KAZN: variants seen among roughly 807,000 people sequenced by gnomAD.
The protein encoded by KAZN is kazrin, periplakin interacting protein, also known as kazrin.
In KAZN, 40 loss-of-function variants were observed where a neutral mutation model predicts 87.4. The observed-to-expected ratio is 0.46, with a 90% CI of 0.36 to 0.60. KAZN has a LOEUF of 0.60. KAZN is among the 20% of genes least tolerant of loss of function. The pLI is 0.00. For missense variants in KAZN, 898 were observed against 1,073.9 expected (o/e 0.84, Z 2.29); for synonymous variants, 466 against 458.3 (o/e 1.02, Z -0.22).
rs138650572 is a variant in KAZN, at chr1:14,570,014, G to A, written c.250-28969G>A. Among the ~76,000 whole-genome samples, 863 of 152,254 alleles carry A rather than the reference G, an allele frequency of 5.7e-3. 14 individuals carry two copies. The highest frequency in any genetic ancestry group is 0.02 in the African/African-American group (830 of 41,560). The stretch of plus-strand genomic sequence containing the variant: ...TGTAATCCCAGCTCATTGGGAGGCC[G>A]CGGCAGGAGAATTGCTTGAACCCAG... On this transcript the variant is annotated intron_variant, in intron 2 of 16. Transcript: ENST00000636203.
At chr1:14,818,060 T>A (rs1572562133) in intron 1 of KAZN, among the ~76,000 whole-genome samples, 1 of 152,232 alleles carries the variant, frequency 6.6e-6, no homozygotes, top group East Asian at 1.9e-4. Flanking sequence ...GAAACTTAAC[T>A]CCTGGCATAC....
chr1:14,284,990 C>T (rs1451617908), intron 2 of KAZN, among the ~76,000 whole-genome samples: 3 of 152,240 alleles, frequency 2.0e-5, no homozygotes, highest in East Asian at 3.9e-4. Context: ...CTCCAGAGAA[C>T]ATGGACGTAC....
chr1:13,984,303 C>A (rs1638906200), intron 1 of KAZN, among the ~76,000 whole-genome samples: 1 of 152,232 alleles, frequency 6.6e-6, no homozygotes, highest in South Asian at 2.1e-4. Flanking sequence ...AGCCACCGCG[C>A]CCGGCCTATT....
At chr1:14,826,118 C>G (rs986913644) in intron 1 of KAZN, among the ~76,000 whole-genome samples, 1 of 152,168 alleles carries the variant, frequency 6.6e-6, no homozygotes. Context: ...CCCTGCCCAT[C>G]GAGAGCCACA....
In KAZN at chr1:15,053,911, G is replaced by A. The variant is rs140493942; in HGVS notation, c.727-2180G>A. The stretch of plus-strand genomic sequence containing the variant: ...ATTCCCTGGAAGCTGGCAGTGGGAG[G>A]GAAGTGATTTCACAGACTTCTAGGA... On this transcript the variant is annotated intron_variant, in intron 4 of 14. Transcript: ENST00000376030. Among the ~76,000 whole-genome samples the A allele has an allele frequency of 7.2e-3, 1,101 of 152,290 alleles. 16 individuals carry two copies. Among genetic ancestry groups the A allele is most frequent in the African/African-American group, 0.025 (1,022 of 41,562 alleles).
chr1:14,529,946 G>C (rs1672119887), intron 2 of KAZN, among the ~76,000 whole-genome samples: 1 of 152,214 alleles, frequency 6.6e-6, no homozygotes, highest in South Asian at 2.1e-4. Flanking sequence ...AGAACTTGCA[G>C]AACACAGCAT....
chr1:14,732,970 C>T (rs1033371899), intron 1 of KAZN, among the ~76,000 whole-genome samples: 1 of 152,034 alleles, frequency 6.6e-6, no homozygotes, highest in Non-Finnish European at 1.5e-5. Context: ...TCCCTCCTTC[C>T]CCTATGTTCA....
At chr1:14,722,767 C>A (rs925138543) in intron 1 of KAZN, among the ~76,000 whole-genome samples, 2 of 152,128 alleles carry the variant, frequency 1.3e-5, no homozygotes, top group African/African-American at 4.8e-5. Context: ...CCTATCCACA[C>A]CTAGATTCCC....
chr1:14,263,825 G>T lies in KAZN; in HGVS notation c.249+83233G>T, dbSNP rs113904270. ...AGTTGACAGCATGCTGCCTCTTAGA[G>T]ACCTACTGGCACAAATCGCTAAGAA... is the stretch of plus-strand genomic sequence containing the variant. On this transcript the variant is annotated intron_variant, in intron 2 of 16. Coordinates refer to the KAZN transcript ENST00000636203. Among the ~76,000 whole-genome samples the T allele has an allele frequency of 3.4e-3, 522 of 152,326 alleles. 3 individuals are homozygous for T. Among genetic ancestry groups the T allele is most frequent in the African/African-American group, 0.012 (490 of 41,568 alleles).
At chr1:14,961,079 C>G (rs1265859196) in intron 2 of KAZN, among the ~76,000 whole-genome samples, 1 of 152,230 alleles carries the variant, frequency 6.6e-6, no homozygotes, top group African/African-American at 2.4e-5. Flanking sequence ...TCCAGTGTGA[C>G]CATCACACAT....
chr1:14,706,892 C>T (rs1165239932), intron 1 of KAZN, among the ~76,000 whole-genome samples: 1 of 152,214 alleles, frequency 6.6e-6, no homozygotes, highest in Non-Finnish European at 1.5e-5. Context: ...TCCCCGCCAC[C>T]CCACCAGGAA....
chr1:14,944,770 G>A (rs1661539224), intron 1 of KAZN, among the ~76,000 whole-genome samples: 1 of 152,362 alleles, frequency 6.6e-6, no homozygotes, highest in South Asian at 2.1e-4. Context: ...AAACAGAGAA[G>A]TGAGCACTTG....
chr1:14,198,318 G>A (rs1646570300), intron 2 of KAZN, among the ~76,000 whole-genome samples: 1 of 152,152 alleles, frequency 6.6e-6, no homozygotes, highest in Non-Finnish European at 1.5e-5. Flanking sequence ...GACTTGATGG[G>A]GTCAGGCATA....
chr1:14,530,350 A>C (rs1230344096), intron 2 of KAZN, among the ~76,000 whole-genome samples: 1 of 152,224 alleles, frequency 6.6e-6, no homozygotes, highest in Admixed American at 6.5e-5. Context: ...CGTCTCTGCC[A>C]TCAGTGGACT....
chr1:13,928,041 A>G (rs1041460594), intron 1 of KAZN, among the ~76,000 whole-genome samples: 39 of 152,224 alleles, frequency 2.6e-4, no homozygotes, highest in Non-Finnish European at 5.9e-5. Context: ...ATCCAATTTC[A>G]GAGCTGAAAC....
intron 1 of KAZN, among the ~76,000 whole-genome samples, chr1:14,862,208 C>A (rs1650941475): frequency 6.6e-6 from 1 of 152,150 alleles, no homozygotes; most frequent in Non-Finnish European, 1.5e-5. Context: ...ATTAAAACAC[C>A]ACTTGACAAC....
intron 4 of KAZN, among the ~76,000 whole-genome samples, chr1:15,047,064 C>G (rs1194669948): frequency 6.6e-6 from 1 of 152,206 alleles, no homozygotes. Flanking sequence ...CTTCTGGCCT[C>G]CTTCTGGCAG....
Position 13,998,400 on chromosome 1 carries a change from A to G in KAZN, c.91+104644A>G, listed in dbSNP as rs1282304552. ...TACTAACCTTTAATGTAAATGGGCT[A>G]AATGCCCCATTTGAAAGACACAGAC... On this transcript the variant is annotated intron_variant, in intron 1 of 16. Transcript: ENST00000636203. 2.6e-5 allele frequency among the ~76,000 whole-genome samples: 4 copies of G among 152,358 alleles called. No homozygotes were observed. The East Asian group carries it at 7.7e-4, about 29-fold the overall frequency.
In KAZN at chr1:15,114,739, G is replaced by T; in HGVS notation, c.*104G>T. ...ACTGTACATAGCGGCCGCAGGCTGA[G>T]GATGTCCCTTGCTCCTGGGCAAAAT... On this transcript the variant is annotated 3_prime_UTR_variant, in exon 15 of 15. Transcript: ENST00000376030. 8.3e-7 allele frequency: 1 copy of T among 1,202,946 alleles called. No individual in the cohort carries two copies. The highest frequency in any genetic ancestry group is 1.6e-5 in the South Asian group (1 of 61,542). 74.5% of individuals were successfully genotyped at this position (1,202,946 alleles called of 1,614,324 possible).
Sources: allele counts gnomAD v4.1 joint callset (sites outside exome capture counted in the v4.1 genomes callset), GRCh38; gene constraint gnomAD v4.1.1; transcripts MANE v1.5; gene names NCBI Gene and HGNC (gene_info 2026-07-23, HGNC 2026-07-21).